FADD: variants seen among roughly 807,000 people sequenced by gnomAD.
The protein encoded by FADD is FAS-associated death domain protein.
A neutral mutation model predicts 5.8 loss-of-function variants in FADD; 3 were observed. That is an observed-to-expected ratio of 0.52 (90% CI 0.24 to 1.34). FADD has a LOEUF of 1.34. Ranked by LOEUF, FADD falls within the 40% of genes most tolerant of loss-of-function variation. The pLI, the probability that FADD is intolerant of heterozygous loss-of-function variation, is 0.17. For synonymous variants in FADD, 138 were observed against 130.8 expected (o/e 1.06, Z -0.38); for missense variants, 249 against 286.7 (o/e 0.87, Z 0.95).
chr11:70,203,848 T>A, intron 1 of FADD, 103 bp downstream of exon 1: 1 of 512,108 alleles, frequency 2.0e-6, no homozygotes, highest in Non-Finnish European at 3.2e-6. Context: ...TTTGCCGGGT[T>A]TGATTTGCGT....
chr11:70,204,654 T>C (rs1315839846), intron 1 of FADD, among the ~76,000 whole-genome samples: 1 of 152,054 alleles, frequency 6.6e-6, no homozygotes, highest in Non-Finnish European at 1.5e-5. Flanking sequence ...CTGGTGCCTG[T>C]TGGGGACAGG....
intron 1 of FADD, among the ~76,000 whole-genome samples, chr11:70,204,888 C>T (rs1371356651): frequency 6.6e-6 from 1 of 152,104 alleles, no homozygotes; most frequent in African/African-American, 2.4e-5. Flanking sequence ...TTACTGTGTG[C>T]TGGGAAAAGT....
Position 70,203,296 on chromosome 11 carries a change from G to A in FADD, c.-164G>A. 1 of 1,325,976 alleles carries A rather than the reference G, an allele frequency of 7.5e-7. No individual in the cohort carries two copies. The highest frequency in any genetic ancestry group is 1.5e-5 in the South Asian group (1 of 66,220). The allele number at this position is 1,325,976 out of a possible 1,614,324, so 82.1% of individuals were successfully genotyped here. Reference sequence around the variant, plus strand: ...TTCGCGAGATAACGGTCGAAAACGCGCTCTTGTCGATTTCCTGTAGTGAAT... The same window carrying A: ...TTCGCGAGATAACGGTCGAAAACGCACTCTTGTCGATTTCCTGTAGTGAAT... On this transcript the variant is annotated 5_prime_UTR_variant, in exon 1 of 2. Transcript: ENST00000301838.
chr11:70,205,998 A>G, intron 1 of FADD, 135 bp from the exon 2 acceptor site: 2 of 778,938 alleles, frequency 2.6e-6, no homozygotes, highest in Non-Finnish European at 4.4e-6. Flanking sequence ...AGGCGACTCT[A>G]GCCTCTACAG....
At position 70,206,597 on chromosome 11, in the gene FADD, C is replaced by T; in HGVS notation, c.*124C>T. 2.3e-6 allele frequency: 2 copies of T among 863,730 alleles called. No homozygotes were observed. Among genetic ancestry groups the T allele is most frequent in the Non-Finnish European group, 3.7e-6 (2 of 539,216 alleles). 53.5% of individuals were successfully genotyped at this position (863,730 alleles called of 1,614,324 possible). On this transcript the variant is annotated 3_prime_UTR_variant, in exon 2 of 2. Coordinates refer to ENST00000301838, the MANE Select transcript of FADD (RefSeq NM_003824.4). The stretch of plus-strand genomic sequence containing the variant: ...AAGCCAGGCTGAGTGAGCCACAGAC[C>T]ACCTGCTTCTGAACTCAAGCTGCGT...
In FADD at chr11:70,206,372, C is replaced by T; in HGVS notation, c.526C>T (p.Leu176=). ...CTGCCAGATGAACCTGGTGGCTGAC[C>T]TGGTACAAGAGGTTCAGCAGGCCCG... ...RSCQMNLVAD[L]VQEVQQARDL... The change falls in exon 2 of 2, where the codon CTG becomes TTG. Residue 176 remains leucine (L), a synonymous_variant. Coordinates refer to ENST00000301838, the MANE Select transcript of FADD (RefSeq NM_003824.4). 3 of 1,614,168 alleles carry T rather than the reference C, an allele frequency of 1.9e-6. No individual in the cohort carries two copies. Among genetic ancestry groups the T allele is most frequent in the Non-Finnish European group, 2.5e-6 (3 of 1,180,016 alleles).
chr11:70,204,569 T>C (rs1393639489), intron 1 of FADD, among the ~76,000 whole-genome samples: 2 of 152,162 alleles, frequency 1.3e-5, no homozygotes, highest in African/African-American at 4.8e-5. Context: ...CTTCAAGCTG[T>C]AGCTTGGAAT....
Position 70,203,335 on chromosome 11 carries a change from G to A in FADD, c.-125G>A. 6.7e-7 allele frequency: 1 copy of A among 1,491,880 alleles called. No individual in the cohort carries two copies. Among genetic ancestry groups the A allele is most frequent in the South Asian group, 1.3e-5 (1 of 78,176 alleles). The allele number at this position is 1,491,880 out of a possible 1,614,324, so 92.4% of individuals were successfully genotyped here. A position where few individuals can be genotyped will look rare whatever the true frequency, so the allele number is the denominator to read the frequency against. ...CCTGTAGTGAATCAGGCACCGGAGT[G>A]CAGGTTCGGGGGTGGAATCCTTGGG... On this transcript the variant is annotated 5_prime_UTR_variant, in exon 1 of 2. Transcript: ENST00000301838.
chr11:70,203,804 G>C (rs986003740), intron 1 of FADD, 59 bp downstream of exon 1: 41 of 853,532 alleles, frequency 4.8e-5, no homozygotes, highest in Non-Finnish European at 6.3e-5. Context: ...TAGGTGCTGC[G>C]AGGCTCCTCC....
chr11:70,206,750 T>C lies in FADD; in HGVS notation c.*277T>C, dbSNP rs1341316373. 25 of 479,162 alleles carry C rather than the reference T, an allele frequency of 5.2e-5. No homozygotes were observed. The highest frequency in any genetic ancestry group is 5.9e-4 in the Middle Eastern group (1 of 1,688). The allele number at this position is 479,162 out of a possible 1,614,324, so 29.7% of individuals were successfully genotyped here. ...AGCTCCTGCGGGAGTAGTTGGAAAG[T>C]TGGAACCGTGTCCAGCACAGAAGGA... On this transcript the variant is annotated 3_prime_UTR_variant, in exon 2 of 2. Transcript: ENST00000301838.
rs920314127 is a variant in FADD, at chr11:70,203,344, G to C, written c.-116G>C. 72 of 1,510,444 alleles carry C rather than the reference G, an allele frequency of 4.8e-5. No homozygotes were observed. Among genetic ancestry groups the C allele is most frequent in the Admixed American group, 2.5e-4 (11 of 44,654 alleles). 93.6% of individuals were successfully genotyped at this position (1,510,444 alleles called of 1,614,324 possible). A position where few individuals can be genotyped will look rare whatever the true frequency, so the allele number is the denominator to read the frequency against. ...AATCAGGCACCGGAGTGCAGGTTCG[G>C]GGGTGGAATCCTTGGGCCGCTGGGC... On this transcript the variant is annotated 5_prime_UTR_variant, in exon 1 of 2. Transcript: ENST00000301838.
rs551401408 is a variant in FADD, at chr11:70,205,859, C to T, written c.287-274C>T. ...GTCTCCTGCTCTAAGTAGGTAGCTC[C>T]ACTACAACTTCCTTTGGCACTTGAG... is the stretch of plus-strand genomic sequence containing the variant. On this transcript the variant is annotated intron_variant, in intron 1 of 1. Coordinates refer to ENST00000301838, the MANE Select transcript of FADD (RefSeq NM_003824.4). Among the ~76,000 whole-genome samples, 17 of 152,300 alleles carry T rather than the reference C, an allele frequency of 1.1e-4. No homozygotes were observed. The South Asian group carries it at 1.7e-3, about 15-fold the overall frequency.
intron 1 of FADD, 57 bp downstream of exon 1, chr11:70,203,802 G>C (rs1405162959): frequency 1.2e-6 from 1 of 861,528 alleles, no homozygotes; most frequent in Non-Finnish European, 1.6e-6. Flanking sequence ...TGTAGGTGCT[G>C]CGAGGCTCCT....
In FADD at chr11:70,206,381, G is replaced by A; in HGVS notation, c.535G>A (p.Glu179Lys). Residue 179 changes from glutamate (E) to lysine (K), a missense_variant, in exon 2 of 2, where the codon GAG (glutamate) becomes AAG (lysine). Glu to Lys is a moderately conservative substitution (Grantham distance 56). Coordinates refer to ENST00000301838, the MANE Select transcript of FADD (RefSeq NM_003824.4). ...GAACCTGGTGGCTGACCTGGTACAA[G>A]AGGTTCAGCAGGCCCGTGACCTCCA... ...QMNLVADLVQ[E>K]VQQARDLQNR... The A allele has an allele frequency of 6.2e-7, 1 of 1,614,176 alleles. No homozygotes were observed. The highest frequency in any genetic ancestry group is 8.5e-7 in the Non-Finnish European group (1 of 1,180,030).
Position 70,203,330 on chromosome 11 carries a change from G to T in FADD, c.-130G>T, listed in dbSNP as rs916988831. 2.9e-5 allele frequency: 43 copies of T among 1,478,446 alleles called. No homozygotes were observed. The highest frequency in any genetic ancestry group is 3.6e-5 in the Non-Finnish European group (40 of 1,112,552). 91.6% of individuals were successfully genotyped at this position (1,478,446 alleles called of 1,614,324 possible). ...GATTTCCTGTAGTGAATCAGGCACC[G>T]GAGTGCAGGTTCGGGGGTGGAATCC... is the stretch of plus-strand genomic sequence containing the variant. On this transcript the variant is annotated 5_prime_UTR_variant, in exon 1 of 2. Transcript: ENST00000301838.
Position 70,206,577 on chromosome 11 carries a change from A to G in FADD, c.*104A>G. ...CACTGTGAAGACCCAGCAGGAAGCC[A>G]GGCTGAGTGAGCCACAGACCACCTG... On this transcript the variant is annotated 3_prime_UTR_variant, in exon 2 of 2. Transcript: ENST00000301838. 9.5e-7 allele frequency: 1 copy of G among 1,057,040 alleles called. No homozygotes were observed. Among genetic ancestry groups the G allele is most frequent in the Non-Finnish European group, 1.4e-6 (1 of 708,504 alleles). The allele number at this position is 1,057,040 out of a possible 1,614,324, so 65.5% of individuals were successfully genotyped here. A position where few individuals can be genotyped will look rare whatever the true frequency, so the allele number is the denominator to read the frequency against.
intron 1 of FADD, among the ~76,000 whole-genome samples, 187 bp from the exon 2 acceptor site, chr11:70,205,946 A>G (rs1017951575): frequency 2.3e-5 from 3 of 130,484 alleles, no homozygotes; most frequent in African/African-American, 8.6e-5. Flanking sequence ...CTGAGGTGGA[A>G]TCAGGCCACT....
At chr11:70,205,999 G>A in intron 1 of FADD, 134 bp from the exon 2 acceptor site, 1 of 784,376 alleles carries the variant, frequency 1.3e-6, no homozygotes. Context: ...GGCGACTCTA[G>A]CCTCTACAGA....
chr11:70,204,048 G>A (rs770908698), intron 1 of FADD, among the ~76,000 whole-genome samples: 1 of 152,212 alleles, frequency 6.6e-6, no homozygotes, highest in African/African-American at 2.4e-5. Context: ...GCAGAGGTTG[G>A]GTGAGCCTGC....
Sources: allele counts gnomAD v4.1 joint callset (sites outside exome capture counted in the v4.1 genomes callset), GRCh38; gene constraint gnomAD v4.1.1; transcripts MANE v1.5; gene names NCBI Gene and HGNC (gene_info 2026-07-23, HGNC 2026-07-21).